Variants in CHRM3 observed in about 807,000 individuals in gnomAD.
CHRM3 encodes the protein muscarinic acetylcholine receptor M3.
Under a neutral mutation model 41.8 loss-of-function variants are expected in CHRM3, and 11 were observed. The ratio of observed to expected loss-of-function variants is 0.26; its 90% CI spans 0.17 to 0.44. CHRM3 has a LOEUF of 0.44. CHRM3 is among the 20% of genes least tolerant of loss of function. The probability of loss-of-function intolerance (pLI) is 1.00; values close to 1 mark genes in which losing one functional copy is unlikely to be tolerated. For synonymous variants in CHRM3, 297 were observed against 301.4 expected (o/e 0.99, Z 0.15); for missense variants, 571 against 745.4 (o/e 0.77, Z 2.72).
intron 6 of CHRM3, among the ~76,000 whole-genome samples, chr1:239,853,648 T>A (rs189162424): frequency 1.4e-3 from 208 of 151,748 alleles, no homozygotes; most frequent in Admixed American, 3.1e-3. Context: ...ATTAATCAGT[T>A]AGTGTATTCT....
chr1:239,620,917 A>G (rs1309014310), intron 3 of CHRM3, among the ~76,000 whole-genome samples: 2 of 152,152 alleles, frequency 1.3e-5, no homozygotes, highest in African/African-American at 4.8e-5. Flanking sequence ...AGAAATGGGT[A>G]GAGACATACT....
At chr1:239,772,373 ACTC>A (rs1667756429) in intron 5 of CHRM3, among the ~76,000 whole-genome samples, 1 of 151,960 alleles carries the variant, frequency 6.6e-6, no homozygotes, top group Non-Finnish European at 1.5e-5. Context: ...CTGGTCTCGA[ACTC>A]CTGACCTCAG....
chr1:239,728,197 C>T (rs986173979), intron 5 of CHRM3, among the ~76,000 whole-genome samples: 5 of 151,958 alleles, frequency 3.3e-5, no homozygotes, highest in African/African-American at 1.2e-4. Context: ...ATATGCTTCA[C>T]TCTTAACAAA....
chr1:239,698,719 C>A (rs1660413537), intron 5 of CHRM3, among the ~76,000 whole-genome samples: 1 of 152,148 alleles, frequency 6.6e-6, no homozygotes, highest in Non-Finnish European at 1.5e-5. Context: ...TGTCTTACTG[C>A]AGAAACATTG....
At chr1:239,669,947 A>G (rs1184369046) in intron 4 of CHRM3, among the ~76,000 whole-genome samples, 2 of 152,204 alleles carry the variant, frequency 1.3e-5, no homozygotes, top group Non-Finnish European at 2.9e-5. Flanking sequence ...AGAAACAAAC[A>G]CAAGACAAAA....
At chr1:239,874,773 G>A (rs962387057) in intron 6 of CHRM3, among the ~76,000 whole-genome samples, 2 of 151,100 alleles carry the variant, frequency 1.3e-5, no homozygotes, top group South Asian at 2.1e-4. Context: ...ATCTCGGCTC[G>A]CTGCAACCTC....
chr1:239,465,844 C>T (rs1292017472), intron 1 of CHRM3, among the ~76,000 whole-genome samples: 1 of 152,066 alleles, frequency 6.6e-6, no homozygotes, highest in East Asian at 1.9e-4. Context: ...TACATCTCCC[C>T]TGCTTCCCTG....
At chr1:239,549,044 T>C (rs1037368745) in intron 3 of CHRM3, among the ~76,000 whole-genome samples, 14 of 152,104 alleles carry the variant, frequency 9.2e-5, no homozygotes, top group Admixed American at 9.2e-4. Flanking sequence ...ACATTTTACA[T>C]GGATGGCAGC....
chr1:239,806,156 C>T (rs1483107513), intron 5 of CHRM3, among the ~76,000 whole-genome samples: 1 of 152,160 alleles, frequency 6.6e-6, no homozygotes, highest in Non-Finnish European at 1.5e-5. Context: ...CAGCTGCCAG[C>T]CTCTAATTCA....
chr1:239,570,410 C>A (rs1216464058), intron 3 of CHRM3, among the ~76,000 whole-genome samples: 1 of 152,138 alleles, frequency 6.6e-6, no homozygotes, highest in East Asian at 1.9e-4. Context: ...AGCGTGATAA[C>A]CAACGAATAC....
intron 1 of CHRM3, among the ~76,000 whole-genome samples, chr1:239,463,237 T>C (rs770070145): frequency 1.3e-5 from 2 of 152,184 alleles, no homozygotes; most frequent in Non-Finnish European, 2.9e-5. Flanking sequence ...ATTGGAATTG[T>C]ATGAGGCATT....
At chr1:239,606,365 T>TC (rs1234222387) in intron 3 of CHRM3, among the ~76,000 whole-genome samples, 1 of 151,982 alleles carries the variant, frequency 6.6e-6, no homozygotes, top group African/African-American at 2.4e-5. Flanking sequence ...TACCTCCGCC[T>TC]CCTGGGTTCA....
At chr1:239,833,702 A>G (rs1673070722) in intron 6 of CHRM3, among the ~76,000 whole-genome samples, 1 of 152,146 alleles carries the variant, frequency 6.6e-6, no homozygotes, top group Non-Finnish European at 1.5e-5. Context: ...ACTGAGTGTA[A>G]CAGATTCCCT....
chr1:239,865,355 A>G (rs1027230375), intron 6 of CHRM3, among the ~76,000 whole-genome samples: 2 of 152,256 alleles, frequency 1.3e-5, no homozygotes, highest in African/African-American at 4.8e-5. Flanking sequence ...TCCAGGGTAT[A>G]AGGATGTCAG....
intron 6 of CHRM3, among the ~76,000 whole-genome samples, chr1:239,904,712 G>A (rs1171575622): frequency 2.6e-5 from 4 of 152,164 alleles, no homozygotes; most frequent in Admixed American, 6.5e-5. Flanking sequence ...GAATAGTCTT[G>A]TCAATTTCCT....
intron 1 of CHRM3, among the ~76,000 whole-genome samples, chr1:239,464,888 C>T (rs1050041799): frequency 6.6e-6 from 1 of 151,894 alleles, no homozygotes; most frequent in African/African-American, 2.4e-5. Context: ...TGAGATGTTC[C>T]CTGTGCTTCC....
intron 4 of CHRM3, among the ~76,000 whole-genome samples, chr1:239,667,355 G>T (rs1218381023): frequency 6.6e-6 from 1 of 152,100 alleles, no homozygotes; most frequent in Non-Finnish European, 1.5e-5. Context: ...GAGACGTCTG[G>T]TCCAATGTCC....
chr1:239,764,085 C>CA (rs36088810), intron 5 of CHRM3, among the ~76,000 whole-genome samples: 7,095 of 115,546 alleles, frequency 0.061, 205 homozygotes, highest in South Asian at 0.17. Context: ...ATCCTATCTC[C>CA]AAAAAAAAAA....
intron 1 of CHRM3, among the ~76,000 whole-genome samples, chr1:239,395,131 TC>T (rs1659368216): frequency 6.6e-6 from 1 of 152,164 alleles, no homozygotes; most frequent in Non-Finnish European, 1.5e-5. Context: ...AGCTCTCTTC[TC>T]TCCTCTGGTT....
Sources: allele counts gnomAD v4.1 joint callset (sites outside exome capture counted in the v4.1 genomes callset), GRCh38; gene constraint gnomAD v4.1.1; transcripts MANE v1.5; gene names NCBI Gene and HGNC (gene_info 2026-07-23, HGNC 2026-07-21).